Variants in TP53BP1 observed in about 807,000 individuals in gnomAD.
The protein encoded by TP53BP1 is TP53-binding protein 1.
In TP53BP1, 61 loss-of-function variants were observed where a neutral mutation model predicts 200.8. The ratio of observed to expected loss-of-function variants is 0.30; its 90% CI spans 0.25 to 0.38. The LOEUF (loss-of-function observed/expected upper bound fraction) is 0.38. Among genes scored for constraint, TP53BP1 ranks in the 10% least tolerant of loss-of-function variants. The pLI is 1.00. For missense variants in TP53BP1, 2,144 were observed against 2,371.9 expected (o/e 0.90, Z 2.00); for synonymous variants, 822 against 844.3 (o/e 0.97, Z 0.46).
chr15:43,460,825 T>C (rs1258854468), intron 11 of TP53BP1, among the ~76,000 whole-genome samples: 1 of 149,324 alleles, frequency 6.7e-6, no homozygotes, highest in Non-Finnish European at 1.5e-5. Context: ...GAGTTTGAGA[T>C]AAGCCTGCGC....
chr15:43,442,065 A>G (rs1368332175), intron 14 of TP53BP1, among the ~76,000 whole-genome samples: 2 of 150,510 alleles, frequency 1.3e-5, no homozygotes, highest in Non-Finnish European at 3.0e-5. Flanking sequence ...GCTGCAGTGC[A>G]GGCCAGATTT....
intron 10 of TP53BP1, among the ~76,000 whole-genome samples, chr15:43,473,084 G>A (rs1207549256): frequency 6.6e-6 from 1 of 152,164 alleles, no homozygotes; most frequent in Non-Finnish European, 1.5e-5. Context: ...GTCTAGAGTT[G>A]TTCGTTCCTC....
Position 43,446,466 on chromosome 15 carries a change from A to T in TP53BP1, c.2961T>A (p.Asp987Glu), listed in dbSNP as rs750450781. 6.2e-7 allele frequency: 1 copy of T among 1,614,164 alleles called. No individual in the cohort carries two copies. Among genetic ancestry groups the T allele is most frequent in the Non-Finnish European group, 8.5e-7 (1 of 1,180,024 alleles). Residue 987 changes from aspartate (D) to glutamate (E), a missense_variant, in exon 14 of 28, where the codon GAT becomes GAA. Asp to Glu is a conservative substitution (Grantham distance 45, BLOSUM62 2). This residue lies in a region of TP53BP1 where 1,700 missense variants were observed against 1,710.3 expected (regional missense o/e 0.99). Transcript: ENST00000382044. Reference protein sequence around the residue: ...KGDSGAAPDVDDKLCLRMKLV... With the variant: ...KGDSGAAPDVEDKLCLRMKLV... ...GTTTCATTCTTAGACATAATTTATC[A>T]TCCACGTCTGGGGCAGCCCCAGAAT...
At chr15:43,502,952 C>T (rs1276730551) in intron 1 of TP53BP1, among the ~76,000 whole-genome samples, 5 of 152,070 alleles carry the variant, frequency 3.3e-5, no homozygotes, top group South Asian at 2.1e-4. Context: ...GGGGTTTTGC[C>T]GTGTTGGCCA....
intron 23 of TP53BP1, among the ~76,000 whole-genome samples, 189 bp from the exon 24 acceptor site, chr15:43,413,523 A>C (rs1176519144): frequency 1.3e-5 from 2 of 152,248 alleles, no homozygotes; most frequent in African/African-American, 4.8e-5. Context: ...GCCTAGGATA[A>C]AATTTACAAC....
At chr15:43,439,109 G>C (rs2045869845) in intron 15 of TP53BP1, among the ~76,000 whole-genome samples, 1 of 152,256 alleles carries the variant, frequency 6.6e-6, no homozygotes, top group East Asian at 1.9e-4. Context: ...TTGGAACTGG[G>C]TGATGAATAC....
chr15:43,453,746 T>C (rs1008953596), intron 12 of TP53BP1, among the ~76,000 whole-genome samples: 3 of 151,954 alleles, frequency 2.0e-5, no homozygotes, highest in East Asian at 1.9e-4. Context: ...GGTTTCATCA[T>C]GTTGGCAAGG....
chr15:43,442,100 T>G (rs2045937283), intron 14 of TP53BP1, among the ~76,000 whole-genome samples: 1 of 149,754 alleles, frequency 6.7e-6, no homozygotes, highest in Non-Finnish European at 1.5e-5. Context: ...TTTTTTTTTT[T>G]TTTGAGACAG....
At chr15:43,494,418 G>A (rs1434603625), upstream of TP53BP1, among the ~76,000 whole-genome samples, 1 of 152,110 alleles carries the variant, frequency 6.6e-6, no homozygotes. Context: ...CTGAATACAC[G>A]TTACTTATGG....
intron 1 of TP53BP1, among the ~76,000 whole-genome samples, chr15:43,500,528 G>T (rs938085414): frequency 4.6e-5 from 7 of 151,898 alleles, no homozygotes; most frequent in African/African-American, 1.5e-4. Flanking sequence ...AAAATATAGA[G>T]AATATTTTAG....
At position 43,407,493 on chromosome 15, in the gene TP53BP1, A is replaced by G; in HGVS notation, c.5824T>C (p.Leu1942=). ...PASVLKCAEA[L]QLPVVSQEWV... is the part of the protein sequence containing the mutation. ...TCTTGTGACACCACAGGCAGCTGCA[A>G]TGCTTCAGCACACTTCAGCACCGAG... The change falls in exon 28 of 28, where the codon TTG becomes CTG. Residue 1942 remains leucine (L), a synonymous_variant. Coordinates refer to ENST00000382044, the MANE Select transcript of TP53BP1 (RefSeq NM_001141980.3). 5.0e-6 allele frequency: 8 copies of G among 1,614,254 alleles called. No individual in the cohort carries two copies. Among genetic ancestry groups the G allele is most frequent in the African/African-American group, 1.3e-5 (1 of 75,066 alleles).
chr15:43,441,411 GAA>G, intron 15 of TP53BP1, 113 bp downstream of exon 15: 1 of 751,436 alleles, frequency 1.3e-6, no homozygotes, highest in Non-Finnish European at 2.4e-6. Flanking sequence ...AATCCTTTAT[GAA>G]AGAGTCTCAT....
intron 18 of TP53BP1, among the ~76,000 whole-genome samples, chr15:43,422,591 C>T (rs1179020521): frequency 1.3e-5 from 2 of 152,110 alleles, no homozygotes; most frequent in African/African-American, 2.4e-5. Context: ...TGGTCAGGAG[C>T]CCTTCTAGGT....
rs948335148 is a variant in TP53BP1, at chr15:43,509,194, G to C, written c.-9+1176C>G. ...CCAGATTCAGATCCACAAACGGGGG[G>C]GGGGGGGGCAGAGGTACAGCGGAAC... On this transcript the variant is annotated intron_variant, in intron 1 of 27. Transcript: ENST00000263801. 2.9e-5 allele frequency among the ~76,000 whole-genome samples: 3 copies of C among 103,922 alleles called. 1 individual carries two copies. Among genetic ancestry groups the C allele is most frequent in the Non-Finnish European group, 5.8e-5 (3 of 51,328 alleles). The allele number at this position is 103,922 out of a possible 152,430, so 68.2% of individuals were successfully genotyped here.
Position 43,447,396 on chromosome 15 carries a change from A to G in TP53BP1, c.2806T>C (p.Leu936=). 2 of 1,603,602 alleles carry G rather than the reference A, an allele frequency of 1.2e-6. No individual in the cohort carries two copies. The highest frequency in any genetic ancestry group is 1.7e-6 in the Non-Finnish European group (2 of 1,177,394). Residue 936 remains leucine (L), a synonymous_variant, in exon 13 of 28, where the codon TTG becomes CTG. Transcript: ENST00000382044. The part of the protein sequence containing the change: ...ATPPLIGHLK[L]EPKRHSTPIG... The stretch of plus-strand genomic sequence containing the variant: ...GGAGTACTGTGTCTCTTGGGCTCCA[A>G]TTTTAGGTGCCCAATAAGAGGTGGG...
Position 43,420,671 on chromosome 15 carries a change from T to C in TP53BP1, c.4315A>G (p.Lys1439Glu), listed in dbSNP as rs1595531550. The change falls in exon 21 of 28, where the codon AAA (lysine) becomes GAA (glutamate). Residue 1439 changes from lysine (K) to glutamate (E), a missense_variant. This residue lies in a region of TP53BP1 where 1,700 missense variants were observed against 1,710.3 expected (regional missense o/e 0.99). Transcript: ENST00000382044. ...DISPNLSPDD[K>E]SFSRVVPRVP... ...CGGGGCACGACACGGCTGAAGGATT[T>C]ATCATCTGGTGACAAGTTAGGTGAA... 1 of 1,614,222 alleles carries C rather than the reference T, an allele frequency of 6.2e-7. No individual in the cohort carries two copies. Among genetic ancestry groups the C allele is most frequent in the Non-Finnish European group, 8.5e-7 (1 of 1,180,042 alleles).
intron 21 of TP53BP1, 111 bp from the exon 22 acceptor site, chr15:43,416,527 G>A: frequency 2.0e-6 from 2 of 1,011,246 alleles, no homozygotes; most frequent in South Asian, 1.7e-5. Flanking sequence ...AGATCCAACA[G>A]TGGACTGAAG....
At chr15:43,443,583 T>C (rs1183324589) in intron 14 of TP53BP1, among the ~76,000 whole-genome samples, 1 of 152,084 alleles carries the variant, frequency 6.6e-6, no homozygotes, top group Non-Finnish European at 1.5e-5. Context: ...TAGTCCCACC[T>C]ACTCAGGGGG....
upstream of TP53BP1, among the ~76,000 whole-genome samples, chr15:43,493,331 A>G (rs1331940565): frequency 1.3e-5 from 2 of 152,114 alleles, no homozygotes; most frequent in Non-Finnish European, 2.9e-5. Context: ...CCTCCCCTTT[A>G]GTAGAGCCGG....
Sources: gnomAD v4.1 joint callset for allele counts (sites outside exome capture counted in the v4.1 genomes callset) on GRCh38, gnomAD v4.1.1 for gene constraint, gnomAD v4.1.1 regional missense constraint, MANE v1.5 for transcripts, NCBI Gene and HGNC (gene_info 2026-07-23, HGNC 2026-07-21) for gene names.